The following GALNT17 variants were observed in gnomAD, a reference collection of about 807,000 sequenced individuals.
GALNT17 encodes polypeptide N-acetylgalactosaminyltransferase 17.
Under a neutral mutation model 63.7 loss-of-function variants are expected in GALNT17, and 29 were observed. The observed-to-expected ratio is 0.46, with a 90% CI of 0.34 to 0.62. The LOEUF (loss-of-function observed/expected upper bound fraction) is 0.62. Ranked by LOEUF, GALNT17 falls within the 20% of genes least tolerant of loss-of-function variation. GALNT17 has a pLI of 0.01. For synonymous variants in GALNT17, 305 were observed against 318.3 expected, an observed-to-expected ratio of 0.96 and a Z score of 0.45; for missense variants, 603 against 799.6, an observed-to-expected ratio of 0.75 and a Z score of 2.97.
At chr7:71,568,311 C>T (rs181548685) in intron 5 of GALNT17, among the ~76,000 whole-genome samples, 66 of 152,256 alleles carry the variant, frequency 4.3e-4, no homozygotes, top group African/African-American at 1.5e-3. Flanking sequence ...GATGGTTCTG[C>T]CTCCTTCAGT....
intron 6 of GALNT17, among the ~76,000 whole-genome samples, chr7:71,652,819 C>T (rs550311975): frequency 6.6e-6 from 1 of 152,162 alleles, no homozygotes; most frequent in African/African-American, 2.4e-5. Flanking sequence ...GGTGGAACAT[C>T]ACTCTCTATG....
chr7:71,483,115 CCTGT>C (rs1437536520), intron 5 of GALNT17, among the ~76,000 whole-genome samples: 1 of 152,158 alleles, frequency 6.6e-6, no homozygotes, highest in East Asian at 1.9e-4. Context: ...TAATCATGCA[CCTGT>C]CTAAGGCACT....
At chr7:71,309,800 G>C (rs954325428) in intron 1 of GALNT17, among the ~76,000 whole-genome samples, 1 of 152,124 alleles carries the variant, frequency 6.6e-6, no homozygotes, top group African/African-American at 2.4e-5. Context: ...GAAATGTTTA[G>C]AATACTTATT....
At chr7:71,331,367 A>C (rs1213085500) in intron 1 of GALNT17, among the ~76,000 whole-genome samples, 1 of 152,148 alleles carries the variant, frequency 6.6e-6, no homozygotes, top group Non-Finnish European at 1.5e-5. Context: ...AATCTGCCTC[A>C]GAGCCCGGCC....
At chr7:71,592,247 G>A (rs564550825) in intron 6 of GALNT17, among the ~76,000 whole-genome samples, 1 of 152,288 alleles carries the variant, frequency 6.6e-6, no homozygotes, top group South Asian at 2.1e-4. Context: ...AAGCGATGCA[G>A]AGACTGGGTC....
chr7:71,339,230 C>T (rs917367236), intron 2 of GALNT17, among the ~76,000 whole-genome samples: 1 of 152,348 alleles, frequency 6.6e-6, no homozygotes, highest in Middle Eastern at 3.4e-3. Flanking sequence ...AAGCACAGTC[C>T]TTGCCTACTT....
intron 6 of GALNT17, among the ~76,000 whole-genome samples, chr7:71,612,809 T>A (rs1397358313): frequency 6.6e-6 from 1 of 152,214 alleles, no homozygotes; most frequent in Non-Finnish European, 1.5e-5. Context: ...TTCTCACACA[T>A]GCAGACATAA....
At chr7:71,675,074 C>T (rs749838002) in intron 8 of GALNT17, among the ~76,000 whole-genome samples, 13 of 152,174 alleles carry the variant, frequency 8.5e-5, no homozygotes, top group Non-Finnish European at 1.3e-4. Context: ...ATCCCAGCTA[C>T]TCAGAAGGCT....
chr7:71,591,036 C>G (rs1253986396), intron 6 of GALNT17, among the ~76,000 whole-genome samples: 2 of 152,048 alleles, frequency 1.3e-5, no homozygotes, highest in South Asian at 2.1e-4. Flanking sequence ...ACTGGGATTA[C>G]AGGCATGAGC....
At chr7:71,530,207 A>G (rs747498916) in intron 5 of GALNT17, among the ~76,000 whole-genome samples, 1 of 152,076 alleles carries the variant, frequency 6.6e-6, no homozygotes, top group Non-Finnish European at 1.5e-5. Flanking sequence ...CACAGTTCAT[A>G]TGCTCCTAAG....
At chr7:71,606,919 T>G (rs975543513) in intron 6 of GALNT17, among the ~76,000 whole-genome samples, 1 of 152,114 alleles carries the variant, frequency 6.6e-6, no homozygotes, top group African/African-American at 2.4e-5. Context: ...ACAAGGGTAG[T>G]GGGGGTGGAA....
intron 6 of GALNT17, among the ~76,000 whole-genome samples, chr7:71,611,161 G>A (rs913679343): frequency 2.6e-5 from 4 of 151,966 alleles, no homozygotes; most frequent in Non-Finnish European, 2.9e-5. Flanking sequence ...TTCTTTCCCC[G>A]AGACCATTAT....
chr7:71,321,943 CCCTTCCTT>C (rs150369774), intron 1 of GALNT17, among the ~76,000 whole-genome samples: 12 of 47,636 alleles, frequency 2.5e-4, no homozygotes, highest in African/African-American at 6.0e-4. Flanking sequence ...CTCCCTCCCT[CCCTTCCTT>C]CCTTCCTTCC....
At chr7:71,204,208 G>A (rs1187070524) in intron 1 of GALNT17, among the ~76,000 whole-genome samples, 1 of 152,094 alleles carries the variant, frequency 6.6e-6, no homozygotes, top group Admixed American at 6.5e-5. Flanking sequence ...TGCATTGACT[G>A]TTAATGTGTG....
At chr7:71,537,258 G>C (rs935798717) in intron 5 of GALNT17, among the ~76,000 whole-genome samples, 5 of 152,186 alleles carry the variant, frequency 3.3e-5, no homozygotes, top group Non-Finnish European at 7.3e-5. Flanking sequence ...ATGAGGAGAA[G>C]TGTGGCTTAA....
intron 6 of GALNT17, among the ~76,000 whole-genome samples, chr7:71,600,144 T>C (rs935845256): frequency 6.6e-6 from 1 of 151,446 alleles, no homozygotes; most frequent in African/African-American, 2.4e-5. Context: ...AAATCTTAGA[T>C]GTTATAGTGG....
intron 2 of GALNT17, among the ~76,000 whole-genome samples, chr7:71,363,183 T>C (rs1792438630): frequency 6.6e-6 from 1 of 152,076 alleles, no homozygotes; most frequent in African/African-American, 2.4e-5. Context: ...GCCAGGCTGG[T>C]CTTGAACTCC....
intron 5 of GALNT17, among the ~76,000 whole-genome samples, chr7:71,482,391 C>G (rs1306560376): frequency 3.3e-5 from 5 of 152,172 alleles, no homozygotes; most frequent in Non-Finnish European, 7.3e-5. Context: ...CTCATGTGAT[C>G]TGCCTGCCTC....
chr7:71,194,535 A>G (rs1368746346), intron 1 of GALNT17, among the ~76,000 whole-genome samples: 3 of 152,018 alleles, frequency 2.0e-5, no homozygotes, highest in Non-Finnish European at 4.4e-5. Flanking sequence ...TTATATAGAG[A>G]TTCACCCATG....
Sources: gnomAD v4.1 joint callset for allele counts (sites outside exome capture counted in the v4.1 genomes callset) on GRCh38, gnomAD v4.1.1 for gene constraint, MANE v1.5 for transcripts, NCBI Gene and HGNC (gene_info 2026-07-23, HGNC 2026-07-21) for gene names.